Variants in EXOC6 observed in about 807,000 individuals in gnomAD.
The protein encoded by EXOC6 is SEC15-like 1.
EXOC6 carries 60 observed loss-of-function variants against 112.5 expected under a neutral mutation model. The ratio of observed to expected loss-of-function variants is 0.53; its 90% CI spans 0.43 to 0.66. EXOC6 has a LOEUF of 0.66. Ranked by LOEUF, EXOC6 falls within the 30% of genes least tolerant of loss-of-function variation. The pLI, the probability that EXOC6 is intolerant of heterozygous loss-of-function variation, is 0.00. For synonymous variants in EXOC6, 295 were observed against 308.0 expected (o/e 0.96, Z 0.44); for missense variants, 855 against 957.1 (o/e 0.89, Z 1.41).
intron 20 of EXOC6, among the ~76,000 whole-genome samples, chr10:93,033,207 TA>T (rs895494654): frequency 1.3e-5 from 2 of 152,180 alleles, no homozygotes; most frequent in African/African-American, 4.8e-5. Flanking sequence ...AGAATAGATT[TA>T]AAAGGGACAA....
intron 19 of EXOC6, among the ~76,000 whole-genome samples, chr10:93,010,335 G>A (rs1564907915): frequency 6.6e-6 from 1 of 152,156 alleles, no homozygotes; most frequent in African/African-American, 2.4e-5. Flanking sequence ...GATTAATGGA[G>A]TAAATGCCAG....
At chr10:93,042,984 T>A (rs1301110632) in intron 20 of EXOC6, among the ~76,000 whole-genome samples, 1 of 151,898 alleles carries the variant, frequency 6.6e-6, no homozygotes, top group Non-Finnish European at 1.5e-5. Context: ...TCGCCCAGGC[T>A]GGAGTGCAGT....
chr10:92,932,974 C>T (rs966223868), intron 9 of EXOC6, among the ~76,000 whole-genome samples: 9 of 152,088 alleles, frequency 5.9e-5, no homozygotes, highest in African/African-American at 9.7e-5. Flanking sequence ...AAAACATTGA[C>T]TAGCTTTAGA....
At chr10:93,039,538 T>C (rs1183508405) in intron 20 of EXOC6, among the ~76,000 whole-genome samples, 4 of 152,206 alleles carry the variant, frequency 2.6e-5, no homozygotes, top group African/African-American at 9.7e-5. Context: ...AAATAGAGGC[T>C]TCTCTTCCCT....
intron 20 of EXOC6, among the ~76,000 whole-genome samples, chr10:93,048,861 T>G (rs55856996): frequency 0.13 from 19,649 of 152,012 alleles, 1,404 homozygotes; most frequent in African/African-American, 0.18. Context: ...AAATACATAA[T>G]ATAAATATTT....
intron 5 of EXOC6, among the ~76,000 whole-genome samples, chr10:92,904,523 A>G (rs1035752818): frequency 6.6e-6 from 1 of 151,974 alleles, no homozygotes; most frequent in Non-Finnish European, 1.5e-5. Context: ...TCTCATTGTT[A>G]TTTTAATTTG....
intron 1 of EXOC6, among the ~76,000 whole-genome samples, chr10:92,867,214 T>C (rs980940542): frequency 5.9e-5 from 9 of 152,194 alleles, no homozygotes; most frequent in Admixed American, 2.0e-4. Flanking sequence ...TAAACAGATA[T>C]GTTAAAAAGA....
intron 7 of EXOC6, 37 bp from the exon 8 acceptor site, chr10:92,919,945 T>G (rs1851334151): frequency 1.5e-6 from 2 of 1,327,936 alleles, no homozygotes; most frequent in African/African-American, 2.9e-5. Flanking sequence ...TCTAATAGTT[T>G]GACCTATAAT....
Position 93,058,488 on chromosome 10 carries a change from C to A in EXOC6, c.*133C>A. The stretch of plus-strand genomic sequence containing the variant: ...TAGAGAAGATACATGAGGGCTTAAA[C>A]AAGAAATAGTAATAAATATCATTTG... On this transcript the variant is annotated 3_prime_UTR_variant, in exon 22 of 22. Coordinates refer to ENST00000260762, the MANE Select transcript of EXOC6 (RefSeq NM_019053.6). 3.6e-6 allele frequency: 2 copies of A among 551,848 alleles called. No homozygotes were observed. Among genetic ancestry groups the A allele is most frequent in the Non-Finnish European group, 5.8e-6 (2 of 345,618 alleles). The allele number at this position is 551,848 out of a possible 1,614,324, so 34.2% of individuals were successfully genotyped here. A position where few individuals can be genotyped will look rare whatever the true frequency, so the allele number is the denominator to read the frequency against.
At chr10:92,948,142 C>G (rs1313545388) in intron 13 of EXOC6, 132 bp from the exon 14 acceptor site, 2 of 537,760 alleles carry the variant, frequency 3.7e-6, no homozygotes, top group African/African-American at 2.0e-5. Flanking sequence ...TAGGCAGTAT[C>G]TTCCTGTTTG....
chr10:92,940,223 T>G (rs1260556837), intron 12 of EXOC6, among the ~76,000 whole-genome samples: 1 of 152,090 alleles, frequency 6.6e-6, no homozygotes, highest in African/African-American at 2.4e-5. Context: ...ATGGGTAAGA[T>G]TTCAATGAGT....
At chr10:92,922,335 A>G (rs1237586577) in intron 8 of EXOC6, among the ~76,000 whole-genome samples, 1 of 152,232 alleles carries the variant, frequency 6.6e-6, no homozygotes, top group Non-Finnish European at 1.5e-5. Context: ...TGGGAAAATT[A>G]CTTCCCTTAT....
chr10:92,905,018 T>G (rs1175474240), intron 5 of EXOC6, among the ~76,000 whole-genome samples: 2 of 152,098 alleles, frequency 1.3e-5, no homozygotes, highest in Non-Finnish European at 2.9e-5. Context: ...TTTTTGCATG[T>G]GAATGTCCAG....
At chr10:93,025,676 A>G (rs936619664) in intron 20 of EXOC6, among the ~76,000 whole-genome samples, 11 of 152,236 alleles carry the variant, frequency 7.2e-5, no homozygotes, top group African/African-American at 2.7e-4. Context: ...AATGATATGT[A>G]GAGAATTTGA....
intron 9 of EXOC6, 121 bp from the exon 10 acceptor site, chr10:92,934,023 T>G (rs1298312904): frequency 1.8e-6 from 1 of 561,640 alleles, no homozygotes; most frequent in Admixed American, 3.5e-5. Context: ...TACCTAAAAA[T>G]GTACGTGGCA....
chr10:92,970,636 ATTTTTAC>A (rs552249131), intron 17 of EXOC6, among the ~76,000 whole-genome samples: 8 of 152,192 alleles, frequency 5.3e-5, no homozygotes, highest in Non-Finnish European at 1.2e-4. Context: ...AGTAATGTTT[ATTTTTAC>A]TTTCTTCTGT....
chr10:93,048,089 T>A (rs1192184886), intron 20 of EXOC6, among the ~76,000 whole-genome samples: 1 of 152,154 alleles, frequency 6.6e-6, no homozygotes, highest in Non-Finnish European at 1.5e-5. Flanking sequence ...TTCAGTACTC[T>A]CAAGAAAAGC....
At chr10:92,944,999 C>T (rs372818827) in intron 13 of EXOC6, among the ~76,000 whole-genome samples, 8 of 151,542 alleles carry the variant, frequency 5.3e-5, no homozygotes, top group African/African-American at 1.7e-4. Flanking sequence ...CTCGAACTCC[C>T]GACCTCAGGT....
At chr10:92,988,014 C>T (rs1045440063) in intron 18 of EXOC6, among the ~76,000 whole-genome samples, 4 of 152,132 alleles carry the variant, frequency 2.6e-5, no homozygotes, top group African/African-American at 9.7e-5. Context: ...AAGTGCTTGG[C>T]ATATAATAAA....
Sources: gnomAD v4.1 joint callset for allele counts (sites outside exome capture counted in the v4.1 genomes callset) on GRCh38, gnomAD v4.1.1 for gene constraint, MANE v1.5 for transcripts, NCBI Gene and HGNC (gene_info 2026-07-23, HGNC 2026-07-21) for gene names.